PTPRD: variants seen among roughly 807,000 people sequenced by gnomAD.
The protein encoded by PTPRD is protein tyrosine phosphatase receptor type D.
A neutral mutation model predicts 214.5 loss-of-function variants in PTPRD; 34 were observed. The observed-to-expected ratio is 0.16, with a 90% CI of 0.12 to 0.21. The LOEUF is 0.21. Among genes scored for constraint, PTPRD ranks in the 10% least tolerant of loss-of-function variants. PTPRD has a pLI of 1.00. For synonymous variants in PTPRD, 1,128 were observed against 845.7 expected (o/e 1.33, Z -5.79); for missense variants, 2,545 against 2,398.7 (o/e 1.06, Z -1.27).
At chr9:8,771,918 C>G (rs1007520138) in intron 11 of PTPRD, among the ~76,000 whole-genome samples, 1 of 151,696 alleles carries the variant, frequency 6.6e-6, no homozygotes, top group South Asian at 2.1e-4. Flanking sequence ...GGGTCATAAA[C>G]CAAATGCTTT....
intron 8 of PTPRD, among the ~76,000 whole-genome samples, chr9:9,456,082 C>A (rs2092956585): frequency 6.6e-6 from 1 of 151,844 alleles, no homozygotes; most frequent in African/African-American, 2.4e-5. Flanking sequence ...AAATATAACA[C>A]TTTTTCCAAT....
intron 7 of PTPRD, among the ~76,000 whole-genome samples, chr9:9,723,730 C>G (rs1022995266): frequency 1.3e-5 from 2 of 151,950 alleles, no homozygotes; most frequent in Admixed American, 6.6e-5. Context: ...AGTTTTACAC[C>G]TCTTTTGTTA....
chr9:9,159,243 A>G (rs2099884160), intron 10 of PTPRD, among the ~76,000 whole-genome samples: 1 of 152,160 alleles, frequency 6.6e-6, no homozygotes, highest in Non-Finnish European at 1.5e-5. Context: ...GAACTACCTA[A>G]TAGAAAATGA....
chr9:9,386,660 A>G (rs1367663698), intron 9 of PTPRD, among the ~76,000 whole-genome samples: 1 of 152,210 alleles, frequency 6.6e-6, no homozygotes, highest in East Asian at 1.9e-4. Flanking sequence ...AATATTTCCT[A>G]ATTTTCTAAA....
chr9:8,898,535 T>C (rs1380250697), intron 11 of PTPRD, among the ~76,000 whole-genome samples: 2 of 152,212 alleles, frequency 1.3e-5, no homozygotes, highest in Non-Finnish European at 2.9e-5. Context: ...TTAATAAAAG[T>C]ATTGCATTAC....
At chr9:9,902,826 G>A (rs891082138) in intron 5 of PTPRD, among the ~76,000 whole-genome samples, 5 of 152,108 alleles carry the variant, frequency 3.3e-5, no homozygotes, top group African/African-American at 7.2e-5. Context: ...CAAGCACACT[G>A]TAGTATGAAT....
At chr9:9,294,950 G>C (rs1224658750) in intron 9 of PTPRD, among the ~76,000 whole-genome samples, 1 of 151,556 alleles carries the variant, frequency 6.6e-6, no homozygotes, top group East Asian at 1.9e-4. Context: ...TGAAATATTA[G>C]GCAATAAAGA....
chr9:8,431,977 A>G (rs1169191234), intron 35 of PTPRD, among the ~76,000 whole-genome samples: 1 of 152,158 alleles, frequency 6.6e-6, no homozygotes, highest in African/African-American at 2.4e-5. Flanking sequence ...TTTGGTTGGT[A>G]CGCTATTAAT....
chr9:9,583,668 C>A (rs761716647), intron 7 of PTPRD, among the ~76,000 whole-genome samples: 2 of 152,014 alleles, frequency 1.3e-5, no homozygotes, highest in Admixed American at 6.6e-5. Flanking sequence ...ATTGAAAAAT[C>A]TGTAAGTCCA....
At chr9:8,936,937 C>T (rs1027232284) in intron 11 of PTPRD, among the ~76,000 whole-genome samples, 6 of 152,068 alleles carry the variant, frequency 3.9e-5, no homozygotes, top group African/African-American at 1.4e-4. Flanking sequence ...CTAATCCATT[C>T]TTATCAACTC....
intron 6 of PTPRD, among the ~76,000 whole-genome samples, chr9:9,738,373 A>G (rs1165401936): frequency 1.3e-5 from 2 of 149,770 alleles, no homozygotes; most frequent in Non-Finnish European, 3.0e-5. Flanking sequence ...CATTTTTTTC[A>G]TATGGTTATT....
At chr9:9,526,616 A>G (rs996442314) in intron 8 of PTPRD, among the ~76,000 whole-genome samples, 2 of 152,192 alleles carry the variant, frequency 1.3e-5, no homozygotes, top group Non-Finnish European at 1.5e-5. Flanking sequence ...AATTGGACAT[A>G]ACTTTAATGC....
chr9:10,049,277 A>C (rs2097474641), intron 3 of PTPRD, among the ~76,000 whole-genome samples: 1 of 151,746 alleles, frequency 6.6e-6, no homozygotes, highest in Admixed American at 6.6e-5. Context: ...ATACATCATT[A>C]TTTTCCTGCT....
At chr9:10,035,226 T>C (rs978277942) in intron 3 of PTPRD, among the ~76,000 whole-genome samples, 2 of 152,138 alleles carry the variant, frequency 1.3e-5, no homozygotes, top group Non-Finnish European at 2.9e-5. Context: ...TTCAATATGG[T>C]TGTTGGCCGC....
At chr9:9,661,413 ATGTTTCAAC>A (rs1456234287) in intron 7 of PTPRD, among the ~76,000 whole-genome samples, 1 of 151,878 alleles carries the variant, frequency 6.6e-6, no homozygotes, top group Non-Finnish European at 1.5e-5. Flanking sequence ...TATCTTTTGA[ATGTTTCAAC>A]CTAGAAGCAT....
At chr9:9,566,066 C>T (rs2084425729) in intron 8 of PTPRD, among the ~76,000 whole-genome samples, 1 of 151,674 alleles carries the variant, frequency 6.6e-6, no homozygotes, top group Non-Finnish European at 1.5e-5. Context: ...GCTGTTAGGG[C>T]TTGCTTTTTT....
chr9:9,836,156 G>C (rs1194643440), intron 5 of PTPRD, among the ~76,000 whole-genome samples: 1 of 152,174 alleles, frequency 6.6e-6, no homozygotes, highest in Non-Finnish European at 1.5e-5. Flanking sequence ...GGAATATCAA[G>C]AGTCCAGGAT....
At chr9:9,223,734 A>G (rs900905731) in intron 9 of PTPRD, among the ~76,000 whole-genome samples, 1 of 152,008 alleles carries the variant, frequency 6.6e-6, no homozygotes, top group Non-Finnish European at 1.5e-5. Flanking sequence ...AAGTGCATTG[A>G]CAATGCAAAT....
intron 7 of PTPRD, among the ~76,000 whole-genome samples, chr9:9,694,160 G>A (rs1341638913): frequency 6.6e-6 from 1 of 152,224 alleles, no homozygotes; most frequent in South Asian, 2.1e-4. Context: ...TTTTACAGAT[G>A]TTTGTTTGTG....
Sources: gnomAD v4.1 joint callset for allele counts (sites outside exome capture counted in the v4.1 genomes callset) on GRCh38, gnomAD v4.1.1 for gene constraint, MANE v1.5 for transcripts, NCBI Gene and HGNC (gene_info 2026-07-23, HGNC 2026-07-21) for gene names.